The following GRIA1 variants were observed in gnomAD, a reference collection of about 807,000 sequenced individuals.
GRIA1 encodes the protein glutamate receptor 1.
GRIA1 carries 31 observed loss-of-function variants against 99.2 expected under a neutral mutation model. That is an observed-to-expected ratio of 0.31 (90% confidence interval 0.23 to 0.42). The LOEUF (loss-of-function observed/expected upper bound fraction) is 0.42. Among genes scored for constraint, GRIA1 ranks in the 10% least tolerant of loss-of-function variants. The pLI, the probability that GRIA1 is intolerant of heterozygous loss-of-function variation, is 1.00. For missense variants in GRIA1, 782 were observed against 1,157.5 expected, an observed-to-expected ratio of 0.68 and a Z score of 4.71; for synonymous variants, 438 against 432.4, an observed-to-expected ratio of 1.01 and a Z score of -0.16.
intron 11 of GRIA1, among the ~76,000 whole-genome samples, chr5:153,751,131 G>A (rs1200831469): frequency 2.0e-5 from 3 of 152,178 alleles, no homozygotes; most frequent in African/African-American, 7.2e-5. Context: ...AGCACAAAGA[G>A]ATGTAGCGAT....
At chr5:153,626,440 G>C (rs1767618757) in intron 2 of GRIA1, among the ~76,000 whole-genome samples, 1 of 117,554 alleles carries the variant, frequency 8.5e-6, no homozygotes, top group Non-Finnish European at 1.8e-5. Flanking sequence ...CTGTGTGTGT[G>C]TGTCTGTGTG....
At chr5:153,693,577 A>G (rs557571305) in intron 8 of GRIA1, among the ~76,000 whole-genome samples, 1 of 152,276 alleles carries the variant, frequency 6.6e-6, no homozygotes, top group African/African-American at 2.4e-5. Flanking sequence ...ATCTCCTTTT[A>G]AGACTTTCTC....
chr5:153,512,629 A>G (rs1297135255), intron 2 of GRIA1, among the ~76,000 whole-genome samples: 1 of 152,186 alleles, frequency 6.6e-6, no homozygotes, highest in East Asian at 1.9e-4. Context: ...TGGCTGTTAG[A>G]AACCTGGTCC....
intron 2 of GRIA1, among the ~76,000 whole-genome samples, chr5:153,602,201 TA>T (rs1302812571): frequency 2.0e-5 from 3 of 152,100 alleles, no homozygotes; most frequent in Admixed American, 1.3e-4. Flanking sequence ...TATGCAGCCT[TA>T]AAAAATGATG....
intron 7 of GRIA1, among the ~76,000 whole-genome samples, chr5:153,678,851 C>G (rs749963363): frequency 6.6e-6 from 1 of 152,214 alleles, no homozygotes; most frequent in African/African-American, 2.4e-5. Flanking sequence ...GCCCCTGGCT[C>G]TCTGGATGAC....
At chr5:153,756,915 C>A (rs1762870910) in intron 11 of GRIA1, among the ~76,000 whole-genome samples, 1 of 152,122 alleles carries the variant, frequency 6.6e-6, no homozygotes. Flanking sequence ...TGACATACAT[C>A]CACAAGCATT....
chr5:153,612,885 C>T (rs1455938016), intron 2 of GRIA1, among the ~76,000 whole-genome samples: 1 of 151,938 alleles, frequency 6.6e-6, no homozygotes, highest in East Asian at 1.9e-4. Flanking sequence ...TGTGCTTCCC[C>T]TTCATAAATC....
chr5:153,598,255 GA>G (rs904668812), intron 2 of GRIA1, among the ~76,000 whole-genome samples: 3 of 152,012 alleles, frequency 2.0e-5, no homozygotes, highest in Non-Finnish European at 4.4e-5. Flanking sequence ...GAGAATGCAA[GA>G]ATAGGAAGAG....
chr5:153,685,449 G>A (rs1454549937), intron 7 of GRIA1, among the ~76,000 whole-genome samples: 1 of 152,114 alleles, frequency 6.6e-6, no homozygotes, highest in Admixed American at 6.6e-5. Flanking sequence ...CATATTTGAG[G>A]GTTCCAATAC....
chr5:153,732,964 T>A (rs1453094485), intron 11 of GRIA1, among the ~76,000 whole-genome samples: 1 of 151,282 alleles, frequency 6.6e-6, no homozygotes, highest in Non-Finnish European at 1.5e-5. Flanking sequence ...ATCTAGTTTT[T>A]CCAAGACCAT....
chr5:153,734,298 G>A (rs954890388), intron 11 of GRIA1, among the ~76,000 whole-genome samples: 26 of 152,134 alleles, frequency 1.7e-4, no homozygotes, highest in African/African-American at 6.0e-4. Context: ...GTTGAATTAG[G>A]GGTTGCTCTT....
chr5:153,799,761 C>T (rs1765882652), intron 14 of GRIA1, among the ~76,000 whole-genome samples: 4 of 152,164 alleles, frequency 2.6e-5, no homozygotes, highest in Admixed American at 2.6e-4. Context: ...TATCCCCCCT[C>T]ACACACATTG....
At position 153,702,645 on chromosome 5, in the gene GRIA1, C is replaced by T. The variant is rs147389208; in HGVS notation, c.1453-3052C>T. On this transcript the variant is annotated intron_variant, in intron 10 of 15. Coordinates refer to ENST00000285900, the MANE Select transcript of GRIA1 (RefSeq NM_000827.4). Reference sequence around the variant, plus strand: ...GTCTTTGGACCAATAGCATTAGCACCACCTGGGAACCTATTAGAAATGCAG... The same window carrying T: ...GTCTTTGGACCAATAGCATTAGCACTACCTGGGAACCTATTAGAAATGCAG... Among the ~76,000 whole-genome samples the T allele has an allele frequency of 2.7e-3, 414 of 152,300 alleles. 1 individual carries two copies. Among genetic ancestry groups the T allele is most frequent in the African/African-American group, 9.5e-3 (395 of 41,552 alleles).
chr5:153,494,599 T>C (rs1754231812), intron 2 of GRIA1, among the ~76,000 whole-genome samples: 1 of 152,106 alleles, frequency 6.6e-6, no homozygotes, highest in African/African-American at 2.4e-5. Flanking sequence ...TTGAGGAAAT[T>C]GGTTGTTTAA....
chr5:153,595,681 T>C (rs1012366415), intron 2 of GRIA1, among the ~76,000 whole-genome samples: 20 of 150,434 alleles, frequency 1.3e-4, no homozygotes, highest in African/African-American at 4.1e-4. Context: ...TTGCTCACAT[T>C]GTGAAATGCT....
chr5:153,607,639 A>G (rs1765573091), intron 2 of GRIA1, among the ~76,000 whole-genome samples: 1 of 152,032 alleles, frequency 6.6e-6, no homozygotes, highest in South Asian at 2.1e-4. Context: ...TGCAACATTC[A>G]TTCTTGGCAT....
chr5:153,593,363 G>A (rs745993063), intron 2 of GRIA1, among the ~76,000 whole-genome samples: 1 of 152,180 alleles, frequency 6.6e-6, no homozygotes, highest in East Asian at 1.9e-4. Context: ...TTATGAATTT[G>A]TGTAGGGGGC....
chr5:153,491,263 G>A, intron 1 of GRIA1: 1 of 1,333,288 alleles, frequency 7.5e-7, no homozygotes, highest in South Asian at 2.0e-5. Context: ...AAATCAGGCT[G>A]GAAAGGGTGG....
intron 11 of GRIA1, among the ~76,000 whole-genome samples, chr5:153,711,453 A>G (rs1432898896): frequency 6.6e-6 from 1 of 152,102 alleles, no homozygotes; most frequent in Non-Finnish European, 1.5e-5. Flanking sequence ...AGGGGGAGGA[A>G]TCAAGGGTGA....
Sources: gnomAD v4.1 joint callset for allele counts (sites outside exome capture counted in the v4.1 genomes callset) on GRCh38, gnomAD v4.1.1 for gene constraint, MANE v1.5 for transcripts, NCBI Gene and HGNC (gene_info 2026-07-23, HGNC 2026-07-21) for gene names.